ITSN2: variants seen among roughly 807,000 people sequenced by gnomAD.
ITSN2 encodes the protein intersectin 2.
ITSN2 carries 156 observed loss-of-function variants against 243.7 expected under a neutral mutation model. That is an observed-to-expected ratio of 0.64 (90% CI 0.56 to 0.73). ITSN2 has a LOEUF of 0.73. ITSN2 is among the 30% of genes least tolerant of loss of function. The probability of loss-of-function intolerance (pLI) is 0.00; values close to 1 mark genes in which losing one functional copy is unlikely to be tolerated. For synonymous variants in ITSN2, 703 were observed against 699.9 expected (o/e 1.00, Z -0.07); for missense variants, 1,801 against 1,996.1 (o/e 0.90, Z 1.86).
intron 15 of ITSN2, 87 bp downstream of exon 15, chr2:24,293,599 ACT>A (rs1170178122): frequency 3.7e-6 from 2 of 543,874 alleles, no homozygotes; most frequent in East Asian, 3.5e-5. Context: ...ATAACAGAAT[ACT>A]TTTTTTAATT....
intron 29 of ITSN2, among the ~76,000 whole-genome samples, chr2:24,238,396 A>G (rs879421609): frequency 3.3e-5 from 5 of 152,198 alleles, no homozygotes; most frequent in African/African-American, 1.2e-4. Context: ...TGTTTGTGCT[A>G]GATGTTGACA....
In ITSN2 at chr2:24,270,711, T is replaced by C. The variant is rs758303580; in HGVS notation, c.2315A>G (p.Asn772Ser). Reference protein sequence around the residue: ...YRALYPFEARNHDEMSFNSGD... With the variant: ...YRALYPFEARSHDEMSFNSGD... ...AGAATTAAAACTCATCTCATCATGG[T>C]TCCTTGCTTCAAAGGGGTATAATGC... The change falls in exon 20 of 40, where the codon AAC becomes AGC. Residue 772 changes from asparagine (N) to serine (S), a missense_variant. By Grantham distance (46) the Asn-to-Ser change is conservative. This residue lies in a region of ITSN2 where 787 missense variants were observed against 803.9 expected (regional missense o/e 0.98). Coordinates refer to ENST00000355123, the MANE Select transcript of ITSN2 (RefSeq NM_006277.3). 10 of 1,603,588 alleles carry C rather than the reference T, an allele frequency of 6.2e-6. No individual in the cohort carries two copies. The highest frequency in any genetic ancestry group is 8.5e-6 in the Non-Finnish European group (10 of 1,171,984).
chr2:24,298,547 TG>T (rs1209393048), intron 13 of ITSN2, 117 bp downstream of exon 13: 1 of 885,484 alleles, frequency 1.1e-6, no homozygotes, highest in Non-Finnish European at 1.7e-6. Context: ...CTGCCTGCCT[TG>T]GCCTCCCAAA....
chr2:24,293,595 G>T, intron 15 of ITSN2, 93 bp downstream of exon 15: 2 of 530,038 alleles, frequency 3.8e-6, no homozygotes, highest in South Asian at 2.8e-5. Flanking sequence ...ATTTATAACA[G>T]AATACTTTTT....
intron 1 of ITSN2, among the ~76,000 whole-genome samples, chr2:24,354,656 T>C (rs371089785): frequency 1.2e-4 from 19 of 152,238 alleles, no homozygotes; most frequent in African/African-American, 4.3e-4. Flanking sequence ...TATACAGTTA[T>C]TTGGTGTCAG....
intron 17 of ITSN2, 34 bp downstream of exon 17, chr2:24,284,729 C>T: frequency 1.6e-6 from 2 of 1,268,200 alleles, no homozygotes; most frequent in Admixed American, 3.7e-5. Context: ...AGCAAAGTAA[C>T]TCAAAGAAAA....
chr2:24,222,821 A>T (rs1670612482), intron 29 of ITSN2, among the ~76,000 whole-genome samples: 1 of 151,578 alleles, frequency 6.6e-6, no homozygotes, highest in African/African-American at 2.4e-5. Context: ...GATTACAGGC[A>T]CACACCACCA....
chr2:24,261,599 A>G lies in ITSN2; in HGVS notation c.2499T>C (p.Pro833=). The G allele has an allele frequency of 1.9e-6, 3 of 1,613,512 alleles. No homozygotes were observed. The highest frequency in any genetic ancestry group is 1.1e-5 in the South Asian group (1 of 91,020). The change falls in exon 21 of 40, where the codon CCT becomes CCC. Residue 833 remains proline, a synonymous_variant. Coordinates refer to ENST00000355123, the MANE Select transcript of ITSN2 (RefSeq NM_006277.3). ...AGGTAGCAGATAAAGAAACTGTAGG[A>G]GGAAGTAAGGCCTTCTTTGGAGATA... The part of the protein sequence containing the change: ...KAVSPKKALL[P]PTVSLSATST...
At position 24,211,959 on chromosome 2, in the gene ITSN2, C is replaced by A. The variant is rs1669530626; in HGVS notation, c.4089+691G>T. 6.6e-6 allele frequency among the ~76,000 whole-genome samples: 1 copy of A among 152,148 alleles called. No homozygotes were observed. Reference sequence around the variant, plus strand: ...ATGTTGAGGTCACACAGCTAACAGACCAAAAGTCAAGGAATCATCAATAGA... The same window carrying A: ...ATGTTGAGGTCACACAGCTAACAGAACAAAAGTCAAGGAATCATCAATAGA... On this transcript the variant is annotated intron_variant, in intron 33 of 39. Transcript: ENST00000355123. The surrounding 1 kb of genome is among the most constrained non-coding windows in gnomAD (Gnocchi z 4.1).
chr2:24,212,907 A>C (rs1669633826), intron 32 of ITSN2, among the ~76,000 whole-genome samples, 159 bp from the exon 33 acceptor site: 1 of 151,792 alleles, frequency 6.6e-6, no homozygotes, highest in South Asian at 2.1e-4. Flanking sequence ...TCTATTTTTT[A>C]TTTTTATTTT....
chr2:24,358,668 GAA>G (rs1688677008), intron 1 of ITSN2, among the ~76,000 whole-genome samples: 1 of 151,802 alleles, frequency 6.6e-6, no homozygotes, highest in African/African-American at 2.4e-5. Flanking sequence ...TTTAAAATAA[GAA>G]AGAAAAAAAG....
chr2:24,358,975 T>C (rs1477222525), intron 1 of ITSN2, among the ~76,000 whole-genome samples: 1 of 152,222 alleles, frequency 6.6e-6, no homozygotes, highest in Non-Finnish European at 1.5e-5. Flanking sequence ...TTCAACTGCT[T>C]ATTAATATTA....
At chr2:24,255,255 G>A (rs1674862151) in intron 23 of ITSN2, among the ~76,000 whole-genome samples, 1 of 152,314 alleles carries the variant, frequency 6.6e-6, no homozygotes, top group African/African-American at 2.4e-5. Context: ...TAAAGGAATT[G>A]TCTATAAAGG....
chr2:24,352,985 C>G (rs1291508509), intron 1 of ITSN2, among the ~76,000 whole-genome samples: 1 of 152,178 alleles, frequency 6.6e-6, no homozygotes, highest in Non-Finnish European at 1.5e-5. Context: ...GAAATTCAGA[C>G]AGATGCTTCA....
chr2:24,270,836 A>G (rs1677248450), intron 19 of ITSN2, 68 bp from the exon 20 acceptor site: 1 of 830,160 alleles, frequency 1.2e-6, no homozygotes, highest in Non-Finnish European at 2.0e-6. Flanking sequence ...CTCAATAAAG[A>G]GCTCTAAAAC....
intron 1 of ITSN2, among the ~76,000 whole-genome samples, chr2:24,353,996 T>C (rs915290572): frequency 2.0e-5 from 3 of 152,238 alleles, no homozygotes; most frequent in Admixed American, 6.5e-5. Context: ...CATAATAACA[T>C]GGAAACTGCT....
chr2:24,314,456 C>T (rs1044818822), intron 3 of ITSN2, among the ~76,000 whole-genome samples: 3 of 152,196 alleles, frequency 2.0e-5, no homozygotes. Context: ...CATAACGTCT[C>T]TTAGTCTCAG....
At chr2:24,275,910 T>C in intron 17 of ITSN2, 61 bp from the exon 18 acceptor site, 1 of 1,210,888 alleles carries the variant, frequency 8.3e-7, no homozygotes, top group South Asian at 1.7e-5. Flanking sequence ...GTCATATGTA[T>C]TAATGTGGCA....
intron 15 of ITSN2, among the ~76,000 whole-genome samples, chr2:24,290,722 T>A (rs1680141242): frequency 6.6e-6 from 1 of 152,196 alleles, no homozygotes; most frequent in Admixed American, 6.5e-5. Context: ...TGAAAGCCCA[T>A]CCTTTCCCCA....
Sources: gnomAD v4.1 joint callset for allele counts (sites outside exome capture counted in the v4.1 genomes callset) on GRCh38, gnomAD v4.1.1 for gene constraint, gnomAD v4.1.1 regional missense constraint, Gnocchi (gnomAD v3.1) non-coding constraint, MANE v1.5 for transcripts, NCBI Gene and HGNC (gene_info 2026-07-23, HGNC 2026-07-21) for gene names.